The following C16orf96 variants were observed in gnomAD, a reference collection of about 807,000 sequenced individuals.
C16orf96 encodes chromosome 16 open reading frame 96.
A neutral mutation model predicts 103.6 loss-of-function variants in C16orf96; 108 were observed. The ratio of observed to expected loss-of-function variants is 1.04; its 90% CI spans 0.89 to 1.22. The LOEUF is 1.22. C16orf96 is among the 50% of genes most tolerant of loss of function. The pLI, the probability that C16orf96 is intolerant of heterozygous loss-of-function variation, is 0.00. For missense variants in C16orf96, 1,586 were observed against 1,464.2 expected, an observed-to-expected ratio of 1.08 and a Z score of -1.36; for synonymous variants, 566 against 593.5, an observed-to-expected ratio of 0.95 and a Z score of 0.67.
chr16:4,600,392 C>A lies in C16orf96; in HGVS notation c.*75C>A. ...CTGAGGCCCATGTGGCCCTCCCACT[C>A]CCACCAAGTCCCCTCCACATCGGAG... On this transcript the variant is annotated 3_prime_UTR_variant, in exon 16 of 16. Transcript: ENST00000444310. The A allele has an allele frequency of 9.5e-7, 1 of 1,054,892 alleles. No homozygotes were observed. Among genetic ancestry groups the A allele is most frequent in the Non-Finnish European group, 1.4e-6 (1 of 717,964 alleles). The allele number at this position is 1,054,892 out of a possible 1,614,324, so 65.3% of individuals were successfully genotyped here.
chr16:4,598,855 C>T (rs932474918), intron 14 of C16orf96, among the ~76,000 whole-genome samples: 2 of 152,078 alleles, frequency 1.3e-5, no homozygotes, highest in African/African-American at 4.8e-5. Context: ...TAATGGTTCA[C>T]GCCTGTAATT....
chr16:4,561,360 G>A (rs890872907), intron 1 of C16orf96: 2 of 152,144 alleles, frequency 1.3e-5, no homozygotes, highest in East Asian at 3.9e-4. Flanking sequence ...GACCAGAGGA[G>A]AGTGGGATCT....
chr16:4,571,978 T>C (rs2059443964), intron 2 of C16orf96, among the ~76,000 whole-genome samples: 1 of 151,862 alleles, frequency 6.6e-6, no homozygotes, highest in Non-Finnish European at 1.5e-5. Context: ...GCTTCCCGAG[T>C]AGCTGGGATT....
Position 4,594,375 on chromosome 16 carries a change from G to C in C16orf96, c.2892G>C (p.Gln964His). The C allele has an allele frequency of 6.5e-7, 1 of 1,550,246 alleles. No individual in the cohort carries two copies. The highest frequency in any genetic ancestry group is 8.7e-7 in the Non-Finnish European group (1 of 1,146,932). ...QMREQQWLQL[Q>H]DLGIQEDCQQ... ...GGGAACAGCAGTGGCTGCAGCTCCAGGACCTCGGTATCCAGGAGGATTGTC... is the reference window on the plus strand; with the variant it reads ...GGGAACAGCAGTGGCTGCAGCTCCACGACCTCGGTATCCAGGAGGATTGTC... The change falls in exon 13 of 16, where the codon CAG becomes CAC. Residue 964 changes from glutamine (Q) to histidine (H), a missense_variant. By Grantham distance (24) the Gln-to-His change is conservative. Transcript: ENST00000444310.
At chr16:4,571,397 T>C (rs2059436778) in intron 1 of C16orf96, among the ~76,000 whole-genome samples, 164 bp from the exon 2 acceptor site, 1 of 152,222 alleles carries the variant, frequency 6.6e-6, no homozygotes. Flanking sequence ...GAGAGCACTG[T>C]TGACTTTAGT....
intron 14 of C16orf96, among the ~76,000 whole-genome samples, chr16:4,597,071 G>A: frequency 8.3e-6 from 1 of 120,970 alleles, no homozygotes; most frequent in East Asian, 2.5e-4. Flanking sequence ...CAGCTTCTAG[G>A]AGATGTATCT....
chr16:4,541,042 G>A, the C16orf96 span, among the ~76,000 whole-genome samples: 2 of 151,844 alleles, frequency 1.3e-5, no homozygotes, highest in South Asian at 2.1e-4. Flanking sequence ...GCCTCCTGAG[G>A]AGCTAGGACT....
Position 4,576,181 on chromosome 16 carries a change from C to T in C16orf96, c.1701C>T (p.Thr567=), listed in dbSNP as rs377530013. 8.9e-4 allele frequency: 1,387 copies of T among 1,550,434 alleles called. No individual in the cohort carries two copies. The highest frequency in any genetic ancestry group is 1.1e-3 in the Non-Finnish European group (1,268 of 1,147,000). Residue 567 remains threonine, a synonymous_variant, in exon 5 of 16, where the codon ACC becomes ACT. Transcript: ENST00000444310. Reference sequence around the variant, plus strand: ...CTGCCCTTCACCGGCTGAAAACCACCGCTGCCATCGCCGCCGCTGCCGCCG... The same window carrying T: ...CTGCCCTTCACCGGCTGAAAACCACTGCTGCCATCGCCGCCGCTGCCGCCG... ...PQSALHRLKT[T]AAIAAAAAAA... is the part of the protein sequence containing the mutation.
At position 4,593,374 on chromosome 16, in the gene C16orf96, C is replaced by G; in HGVS notation, c.2867+58C>G. On this transcript the variant is annotated intron_variant, in intron 12 of 15. Coordinates refer to ENST00000444310, the MANE Select transcript of C16orf96 (RefSeq NM_001145011.2). The surrounding 1 kb of genome is among the most constrained non-coding windows in gnomAD (Gnocchi z 4.2). The stretch of plus-strand genomic sequence containing the variant: ...CCCCGCATGGAGGCCACTCTGGAGC[C>G]TGGGAACCCTGTTCCTGCAGAGACA... 6.9e-7 allele frequency: 1 copy of G among 1,455,430 alleles called. No homozygotes were observed. The highest frequency in any genetic ancestry group is 9.4e-7 in the Non-Finnish European group (1 of 1,067,292). The allele number at this position is 1,455,430 out of a possible 1,614,324, so 90.2% of individuals were successfully genotyped here.
chr16:4,565,456 G>A (rs979016265), intron 1 of C16orf96, among the ~76,000 whole-genome samples: 1 of 152,198 alleles, frequency 6.6e-6, no homozygotes, highest in Non-Finnish European at 1.5e-5. Flanking sequence ...ATCACACAGA[G>A]GGGGAGGTTG....
intron 14 of C16orf96, among the ~76,000 whole-genome samples, chr16:4,595,853 C>G (rs1207227829): frequency 2.0e-5 from 3 of 151,906 alleles, no homozygotes; most frequent in Non-Finnish European, 2.9e-5. Context: ...ATAACAGGCA[C>G]GCACCACCAC....
At position 4,596,179 on chromosome 16, in the gene C16orf96, C is replaced by T. The variant is rs138255350; in HGVS notation, c.3127+1376C>T. 1.5e-3 allele frequency among the ~76,000 whole-genome samples: 224 copies of T among 152,232 alleles called. 1 individual carries two copies. The highest frequency in any genetic ancestry group is 4.9e-3 in the African/African-American group (205 of 41,530). On this transcript the variant is annotated intron_variant, in intron 14 of 15. Transcript: ENST00000444310. The stretch of plus-strand genomic sequence containing the variant: ...AAGCAGCTGAAGTTCCTTCATTCCC[C>T]GGCCCATGTAGCACGCCGTCCCATT...
In C16orf96 at chr16:4,576,383, TC is replaced by T; in HGVS notation, c.1906del (p.Gln636ArgfsTer39). On this transcript the variant is annotated frameshift_variant, in exon 5 of 16. Coordinates refer to ENST00000444310, the MANE Select transcript of C16orf96 (RefSeq NM_001145011.2). LOFTEE classifies it high-confidence loss of function. The part of the protein sequence containing the change: ...GAGPSRGATE[S>X]QILGDDSEIY... ...AGGGCCTTCCCGGGGAGCCACAGAA[TC>T]CCAGATCTTGGGCGATGATTCCGAA... 6.4e-7 allele frequency: 1 copy of T among 1,550,958 alleles called. No individual in the cohort carries two copies. The highest frequency in any genetic ancestry group is 8.7e-7 in the Non-Finnish European group (1 of 1,146,978).
rs1897259468 is a variant in C16orf96 at position 4,600,410 on chromosome 16, C to T, written c.*93C>T. The T allele has an allele frequency of 1.1e-6, 1 of 905,788 alleles. No individual in the cohort carries two copies. The highest frequency in any genetic ancestry group is 3.3e-4 in the Middle Eastern group (1 of 3,014). The allele number at this position is 905,788 out of a possible 1,614,324, so 56.1% of individuals were successfully genotyped here. On this transcript the variant is annotated 3_prime_UTR_variant, in exon 16 of 16. Transcript: ENST00000444310. ...TCCCACTCCCACCAAGTCCCCTCCA[C>T]ATCGGAGGCTGAGGCCTATGTGGCC...
At chr16:4,550,437 A>T in the C16orf96 span, among the ~76,000 whole-genome samples, 1 of 152,144 alleles carries the variant, frequency 6.6e-6, no homozygotes, top group Non-Finnish European at 1.5e-5. Context: ...GACTGGTCCA[A>T]GGAGGTACCT....
At chr16:4,547,086 G>C in the C16orf96 span, among the ~76,000 whole-genome samples, 16 of 152,248 alleles carry the variant, frequency 1.1e-4, no homozygotes, top group East Asian at 2.9e-3. Context: ...CACCGCCCCC[G>C]GTGAAAGAAG....
In C16orf96 at chr16:4,575,267, C is replaced by G. The variant is rs921473823; in HGVS notation, c.787C>G (p.Arg263Gly). The G allele has an allele frequency of 1.3e-6, 2 of 1,550,312 alleles. No individual in the cohort carries two copies. The highest frequency in any genetic ancestry group is 8.7e-7 in the Non-Finnish European group (1 of 1,146,974). Residue 263 changes from arginine (R) to glycine (G), a missense_variant, in exon 5 of 16, where the codon CGT becomes GGT. By Grantham distance (125) the Arg-to-Gly change is moderately radical (BLOSUM62 -2). Transcript: ENST00000444310. ...GACCACCAAGTACCTTGAAGCTACT[C>G]GTGCCATCCAGGTCTCCGAGCCCGT... ...AQTTKYLEAT[R>G]AIQVSEPVQN...
chr16:4,588,165 A>G lies in C16orf96; in HGVS notation c.2428-2A>G. On this transcript the variant is annotated splice_acceptor_variant, in intron 8 of 15. Coordinates refer to ENST00000444310, the MANE Select transcript of C16orf96 (RefSeq NM_001145011.2). LOFTEE classifies it high-confidence loss of function. ...GCCTCCCTGAACTCCCTGTCTCCCT[A>G]GAAAGCTGACAGGAGTGCCCTGGCA... The G allele has an allele frequency of 6.4e-7, 1 of 1,550,614 alleles. No individual in the cohort carries two copies. Among genetic ancestry groups the G allele is most frequent in the Middle Eastern group, 1.8e-4 (1 of 5,682 alleles).
At position 4,561,870 on chromosome 16, in the gene C16orf96, C is replaced by T. The variant is rs553051753; in HGVS notation, c.420+4961C>T. 7.9e-5 allele frequency among the ~76,000 whole-genome samples: 12 copies of T among 152,260 alleles called. No homozygotes were observed. In the South Asian group the frequency reaches 2.3e-3, roughly 29 times the overall value. Reference sequence around the variant, plus strand: ...TCCTTTCGCGAGTCCCAGTCTGCCTCCTTCAGGCCTCGGTTTTTCTCCCCT... The same window carrying T: ...TCCTTTCGCGAGTCCCAGTCTGCCTTCTTCAGGCCTCGGTTTTTCTCCCCT... On this transcript the variant is annotated intron_variant, in intron 1 of 15. Coordinates refer to ENST00000444310, the MANE Select transcript of C16orf96 (RefSeq NM_001145011.2).
Sources: allele counts gnomAD v4.1 joint callset (sites outside exome capture counted in the v4.1 genomes callset), GRCh38; gene constraint gnomAD v4.1.1; non-coding constraint Gnocchi (gnomAD v3.1); transcripts MANE v1.5; gene names NCBI Gene and HGNC (gene_info 2026-07-23, HGNC 2026-07-21).